Variants in CRLF3 observed in about 807,000 individuals in gnomAD.
CRLF3 encodes the protein cytokine receptor-like factor 3.
CRLF3 carries 33 observed loss-of-function variants against 55.0 expected under a neutral mutation model. The observed-to-expected ratio is 0.60, with a 90% CI of 0.46 to 0.80. The LOEUF (loss-of-function observed/expected upper bound fraction) is 0.80, where lower values mean the gene tolerates loss of function less well. CRLF3 is among the 30% of genes least tolerant of loss of function. The pLI, the probability that CRLF3 is intolerant of heterozygous loss-of-function variation, is 0.00. For synonymous variants in CRLF3, 238 were observed against 196.8 expected, an observed-to-expected ratio of 1.21 and a Z score of -1.75; for missense variants, 494 against 538.4, an observed-to-expected ratio of 0.92 and a Z score of 0.82.
rs112483503 is a variant in CRLF3 at position 30,803,174 on chromosome 17, A to ATAT, written c.337+726_337+727insATA. 5.8e-3 allele frequency among the ~76,000 whole-genome samples: 862 copies of ATAT among 149,910 alleles called. 7 individuals carry two copies. Among genetic ancestry groups the ATAT allele is most frequent in the African/African-American group, 0.02 (821 of 40,804 alleles). On this transcript the variant is annotated intron_variant, in intron 2 of 7. Transcript: ENST00000324238. ...AGCAAAACCCCTGTGTCAAAAAAAA[A>ATAT]ATATATATATATATATAATTTGATT...
chr17:30,797,269 T>C (rs778628166), intron 3 of CRLF3, 42 bp downstream of exon 3: 3 of 1,350,574 alleles, frequency 2.2e-6, no homozygotes, highest in Non-Finnish European at 2.1e-6. Context: ...AGACATAGTT[T>C]AAATGCTTAA....
intron 4 of CRLF3, 60 bp downstream of exon 4, chr17:30,796,100 A>G: frequency 1.6e-6 from 2 of 1,227,218 alleles, no homozygotes; most frequent in Non-Finnish European, 2.2e-6. Context: ...AAAATCTGAA[A>G]GGCCTCCAAA....
chr17:30,819,837 T>G (rs746168813), intron 1 of CRLF3, among the ~76,000 whole-genome samples: 33 of 152,324 alleles, frequency 2.2e-4, no homozygotes, highest in Non-Finnish European at 3.5e-4. Context: ...GGTAGTAACC[T>G]AAGTATCAGC....
At chr17:30,785,082 TG>T (rs1955620316) in intron 7 of CRLF3, 1 of 133,196 alleles carries the variant, frequency 7.5e-6, no homozygotes, top group Non-Finnish European at 1.5e-5. Context: ...GTCTTGCTAG[TG>T]AATTTTTTTT....
chr17:30,799,633 T>G (rs1027824810), intron 2 of CRLF3, among the ~76,000 whole-genome samples: 2 of 151,456 alleles, frequency 1.3e-5, no homozygotes, highest in East Asian at 1.9e-4. Context: ...GCCTCCCGAG[T>G]AGCTAGGATT....
chr17:30,792,075 C>T (rs1402644891), intron 6 of CRLF3, among the ~76,000 whole-genome samples: 3 of 151,886 alleles, frequency 2.0e-5, no homozygotes, highest in South Asian at 4.2e-4. Flanking sequence ...CTCGAACTCC[C>T]GACCTCAGGT....
intron 1 of CRLF3, among the ~76,000 whole-genome samples, chr17:30,819,148 C>T (rs1223908200): frequency 6.6e-6 from 1 of 152,184 alleles, no homozygotes; most frequent in Non-Finnish European, 1.5e-5. Context: ...GTACCAGGAT[C>T]TTACCATTTG....
Position 30,783,442 on chromosome 17 carries a change from C to G in CRLF3, c.*745G>C, listed in dbSNP as rs1971547965. 1 of 152,110 alleles carries G rather than the reference C, an allele frequency of 6.6e-6. No homozygotes were observed. Among genetic ancestry groups the G allele is most frequent in the African/African-American group, 2.4e-5 (1 of 41,406 alleles). The allele number at this position is 152,110 out of a possible 1,614,324, so 9.4% of individuals were successfully genotyped here. A position where few individuals can be genotyped will look rare whatever the true frequency, so the allele number is the denominator to read the frequency against. ...GACCAGCCTGGCCAACATGGTGAAA[C>G]CCTGTCTCTACTAAAAATACAAAAA... On this transcript the variant is annotated 3_prime_UTR_variant, in exon 8 of 8. Transcript: ENST00000324238.
intron 6 of CRLF3, chr17:30,786,355 C>T: frequency 5.6e-6 from 1 of 180,142 alleles, no homozygotes; most frequent in Non-Finnish European, 1.2e-5. Flanking sequence ...TTCTCTGCTT[C>T]AGCGTCCCAA....
chr17:30,785,167 C>G (rs538881365), intron 7 of CRLF3: 5 of 150,684 alleles, frequency 3.3e-5, no homozygotes, highest in Admixed American at 2.7e-4. Context: ...CCTCCGCCTC[C>G]CGGGTTCAAG....
rs779345733 is a variant in CRLF3, at chr17:30,804,116, G to C, written c.130-8C>G. On this transcript the variant is annotated splice_region_variant and splice_polypyrimidine_tract_variant and intron_variant, in intron 1 of 7. Coordinates refer to ENST00000324238, the MANE Select transcript of CRLF3 (RefSeq NM_015986.4). ...TGATGCACTTTCTTTGATCTAAAAA[G>C]AAATAACAAAATACTCAAAATCAGA... 3.1e-6 allele frequency: 5 copies of C among 1,592,304 alleles called. No homozygotes were observed. The East Asian group carries it at 1.1e-4, about 36-fold the overall frequency.
At chr17:30,795,235 CTT>C (rs1230193960) in intron 4 of CRLF3, among the ~76,000 whole-genome samples, 2 of 152,096 alleles carry the variant, frequency 1.3e-5, no homozygotes, top group African/African-American at 4.8e-5. Flanking sequence ...AATCCCAGCA[CTT>C]TGGGAGGCCG....
In CRLF3 at chr17:30,796,343, G is replaced by C; in HGVS notation, c.426-6C>G. 1 of 1,610,876 alleles carries C rather than the reference G, an allele frequency of 6.2e-7. No individual in the cohort carries two copies. Among genetic ancestry groups the C allele is most frequent in the Non-Finnish European group, 8.5e-7 (1 of 1,178,202 alleles). The stretch of plus-strand genomic sequence containing the variant: ...GTAAAGGTACTTCTGGTAAGCTGAG[G>C]AAACAAAGCTCATGTGTTATGAGAC... On this transcript the variant is annotated splice_region_variant and splice_polypyrimidine_tract_variant and intron_variant, in intron 3 of 7. Transcript: ENST00000324238.
intron 6 of CRLF3, chr17:30,787,378 C>CA (rs1275889181): frequency 2.0e-4 from 31 of 152,138 alleles, no homozygotes; most frequent in African/African-American, 7.2e-4. Flanking sequence ...AGACACTATT[C>CA]AAGCATGAAG....
At position 30,816,488 on chromosome 17, in the gene CRLF3, CT is replaced by C. The variant is rs1183953028; in HGVS notation, c.129+8034del. Among the ~76,000 whole-genome samples, 306 of 117,486 alleles carry C rather than the reference CT, an allele frequency of 2.6e-3. 2 individuals carry two copies. The highest frequency in any genetic ancestry group is 6.5e-3 in the African/African-American group (204 of 31,610). 77.1% of individuals were successfully genotyped at this position (117,486 alleles called of 152,430 possible). On this transcript the variant is annotated intron_variant, in intron 1 of 7. Coordinates refer to ENST00000324238, the MANE Select transcript of CRLF3 (RefSeq NM_015986.4). ...TGTCTTTACTGTATCTTCTTTCTTTCTTTTTTTTTTTTTTTTTTTTAGACAG... is the reference window on the plus strand; with the variant it reads ...TGTCTTTACTGTATCTTCTTTCTTTCTTTTTTTTTTTTTTTTTTTAGACAG...
intron 1 of CRLF3, chr17:30,810,034 A>G (rs1317830564): frequency 6.6e-6 from 1 of 152,184 alleles, no homozygotes; most frequent in Non-Finnish European, 1.5e-5. Flanking sequence ...AACACGTAGT[A>G]TTTCCTGTCC....
At position 30,783,038 on chromosome 17, in the gene CRLF3, A is replaced by T. The variant is rs1476092855; in HGVS notation, c.*1149T>A. ...AAGTAAGTTTTTAAAAAAAATAAGT[A>T]TTTACGCTATATTTTTTTGCTCTGC... On this transcript the variant is annotated 3_prime_UTR_variant, in exon 8 of 8. Coordinates refer to ENST00000324238, the MANE Select transcript of CRLF3 (RefSeq NM_015986.4). The T allele has an allele frequency of 6.6e-6, 1 of 152,224 alleles. No individual in the cohort carries two copies. The highest frequency in any genetic ancestry group is 2.1e-4 in the South Asian group (1 of 4,820). 9.4% of individuals were successfully genotyped at this position (152,224 alleles called of 1,614,324 possible). A position where few individuals can be genotyped will look rare whatever the true frequency, so the allele number is the denominator to read the frequency against.
intron 1 of CRLF3, among the ~76,000 whole-genome samples, chr17:30,809,248 C>A (rs529145414): frequency 1.3e-5 from 2 of 152,196 alleles, no homozygotes; most frequent in Non-Finnish European, 2.9e-5. Flanking sequence ...AATTCACCTC[C>A]TGTACTCTCA....
rs1268959887 is a variant in CRLF3, at chr17:30,803,924, G to C, written c.314C>G (p.Thr105Ser). 1.2e-6 allele frequency: 2 copies of C among 1,612,010 alleles called. No individual in the cohort carries two copies. Among genetic ancestry groups the C allele is most frequent in the Non-Finnish European group, 1.7e-6 (2 of 1,179,796 alleles). ...CQKLIEHGVN[T>S]AEDLVREGEI... is the part of the protein sequence containing the mutation. ...ACCTTCTCGGACTAAGTCCTCTGCAGTGTTGACTCCGTGTTCTATGAGCTT... is the reference window on the plus strand; with the variant it reads ...ACCTTCTCGGACTAAGTCCTCTGCACTGTTGACTCCGTGTTCTATGAGCTT... The change falls in exon 2 of 8, where the codon ACT becomes AGT. Residue 105 changes from threonine (T) to serine (S), a missense_variant. Physicochemically the swap from Thr to Ser is moderately conservative, Grantham distance 58 (BLOSUM62 1). Transcript: ENST00000324238.
Sources: allele counts gnomAD v4.1 joint callset (sites outside exome capture counted in the v4.1 genomes callset), GRCh38; gene constraint gnomAD v4.1.1; transcripts MANE v1.5; gene names NCBI Gene and HGNC (gene_info 2026-07-23, HGNC 2026-07-21).